The following TSPAN5 variants were observed in gnomAD, a reference collection of about 807,000 sequenced individuals.
The protein encoded by TSPAN5 is tetraspanin 5, also known as tetraspanin-5.
In TSPAN5, 10 loss-of-function variants were observed where a neutral mutation model predicts 37.1. That is an observed-to-expected ratio of 0.27 (90% CI 0.17 to 0.46). The LOEUF (loss-of-function observed/expected upper bound fraction) is 0.46, where lower values mean the gene tolerates loss of function less well. TSPAN5 is among the 20% of genes least tolerant of loss of function. TSPAN5 has a pLI of 1.00. For synonymous variants in TSPAN5, 110 were observed against 118.9 expected (o/e 0.93, Z 0.48); for missense variants, 195 against 326.6 (o/e 0.60, Z 3.11).
At chr4:98,532,479 T>G (rs868778123) in intron 1 of TSPAN5, among the ~76,000 whole-genome samples, 2 of 152,334 alleles carry the variant, frequency 1.3e-5, no homozygotes, top group Middle Eastern at 3.4e-3. Flanking sequence ...ACTCATGATT[T>G]GGCTCTCTGT....
intron 1 of TSPAN5, among the ~76,000 whole-genome samples, chr4:98,634,663 C>T (rs1216369577): frequency 2.0e-5 from 3 of 152,120 alleles, no homozygotes; most frequent in African/African-American, 7.2e-5. Context: ...AAGACATATT[C>T]CCAGCTCACT....
At chr4:98,528,192 C>T (rs1359112594) in intron 1 of TSPAN5, among the ~76,000 whole-genome samples, 5 of 152,122 alleles carry the variant, frequency 3.3e-5, no homozygotes, top group East Asian at 1.9e-4. Context: ...ACACTCTGAA[C>T]GATCTATTCA....
At position 98,471,883 on chromosome 4, in the gene TSPAN5, A is replaced by G. The variant is rs1460509325; in HGVS notation, c.*639T>C. ...CTTCCAATGCCCTTGCTCGGTGCAC[A>G]TGAAATACACAACTTCTCTTATAAG... is the stretch of plus-strand genomic sequence containing the variant. On this transcript the variant is annotated 3_prime_UTR_variant, in exon 8 of 8. Transcript: ENST00000305798. The G allele has an allele frequency of 6.6e-6, 1 of 152,248 alleles. No homozygotes were observed. Among genetic ancestry groups the G allele is most frequent in the Admixed American group, 6.5e-5 (1 of 15,290 alleles). The allele number at this position is 152,248 out of a possible 1,614,324, so 9.4% of individuals were successfully genotyped here.
At chr4:98,501,599 CAT>C (rs1160370950) in intron 2 of TSPAN5, among the ~76,000 whole-genome samples, 2 of 152,150 alleles carry the variant, frequency 1.3e-5, no homozygotes, top group Non-Finnish European at 2.9e-5. Flanking sequence ...AGATAGCACT[CAT>C]GTGGTTTTCT....
chr4:98,602,511 C>G (rs1322851669), intron 1 of TSPAN5, among the ~76,000 whole-genome samples: 1 of 152,188 alleles, frequency 6.6e-6, no homozygotes, highest in Admixed American at 6.5e-5. Context: ...CAAAGCCTCA[C>G]TTACCTCTCT....
At chr4:98,642,227 G>C (rs537347732) in intron 1 of TSPAN5, among the ~76,000 whole-genome samples, 22 of 152,292 alleles carry the variant, frequency 1.4e-4, no homozygotes, top group Non-Finnish European at 3.2e-4. Context: ...AAAAAGCTCT[G>C]TCTTCTCAAT....
intron 1 of TSPAN5, among the ~76,000 whole-genome samples, chr4:98,626,309 A>C (rs1756599617): frequency 6.6e-6 from 1 of 152,222 alleles, no homozygotes; most frequent in Admixed American, 6.5e-5. Flanking sequence ...CAAAGGGCTT[A>C]TCATAACCTC....
intron 1 of TSPAN5, among the ~76,000 whole-genome samples, chr4:98,625,117 C>T (rs1358668300): frequency 1.3e-5 from 2 of 152,130 alleles, no homozygotes; most frequent in Admixed American, 6.5e-5. Context: ...ATACACCAGA[C>T]AATTCTGTAA....
At chr4:98,518,961 A>G (rs1753797554) in intron 1 of TSPAN5, among the ~76,000 whole-genome samples, 1 of 152,254 alleles carries the variant, frequency 6.6e-6, no homozygotes. Context: ...AAGGATTTTA[A>G]GCAAAACAAG....
intron 1 of TSPAN5, among the ~76,000 whole-genome samples, chr4:98,584,744 A>G (rs573092056): frequency 6.6e-6 from 1 of 152,348 alleles, no homozygotes; most frequent in Admixed American, 6.5e-5. Context: ...TTATCTCTTC[A>G]TGCAATAGGC....
At chr4:98,558,458 T>C (rs960969828) in intron 1 of TSPAN5, among the ~76,000 whole-genome samples, 2 of 152,186 alleles carry the variant, frequency 1.3e-5, no homozygotes, top group African/African-American at 4.8e-5. Context: ...GTTTTTAAAG[T>C]TGCAGCGAAG....
At chr4:98,552,082 G>T (rs1053694122) in intron 1 of TSPAN5, among the ~76,000 whole-genome samples, 1 of 151,780 alleles carries the variant, frequency 6.6e-6, no homozygotes, top group Non-Finnish European at 1.5e-5. Context: ...TGTTTATTTT[G>T]ATCTTCTCTC....
At chr4:98,588,341 C>T (rs1755545023) in intron 1 of TSPAN5, among the ~76,000 whole-genome samples, 1 of 151,456 alleles carries the variant, frequency 6.6e-6, no homozygotes, top group Non-Finnish European at 1.5e-5. Context: ...CTGTTTCCAC[C>T]GTATGTTTCG....
At chr4:98,646,545 A>G (rs1422732034) in intron 1 of TSPAN5, among the ~76,000 whole-genome samples, 1 of 152,196 alleles carries the variant, frequency 6.6e-6, no homozygotes, top group Non-Finnish European at 1.5e-5. Context: ...AGACACTTTG[A>G]TTTTGCAAAG....
chr4:98,543,157 GTCATTTTACACACACCCTCA>G (rs370957328), intron 1 of TSPAN5, among the ~76,000 whole-genome samples: 3,522 of 152,246 alleles, frequency 0.023, 57 homozygotes, highest in Non-Finnish European at 0.037. Flanking sequence ...TAAAGTATGT[GTCATTTTACACACACCCTCA>G]TCATTTTCAT....
chr4:98,651,912 A>G (rs1579057091), intron 1 of TSPAN5, among the ~76,000 whole-genome samples: 1 of 124,570 alleles, frequency 8.0e-6, no homozygotes, highest in Non-Finnish European at 1.6e-5. Flanking sequence ...TTGTTCTGTC[A>G]CCCTGGAGTG....
chr4:98,511,234 T>G (rs1056157243), intron 1 of TSPAN5, among the ~76,000 whole-genome samples: 1 of 152,240 alleles, frequency 6.6e-6, no homozygotes, highest in African/African-American at 2.4e-5. Flanking sequence ...ACAATAATTT[T>G]GCCGGCATTT....
In TSPAN5 at chr4:98,472,002, C is replaced by T. The variant is rs935342580; in HGVS notation, c.*520G>A. On this transcript the variant is annotated 3_prime_UTR_variant, in exon 8 of 8. Coordinates refer to ENST00000305798, the MANE Select transcript of TSPAN5 (RefSeq NM_005723.4). ...CCCAAAGATGAGTTGTTTTCTTCTT[C>T]AGATGAGAGTTGCAAGTGTTTCCTA... is the stretch of plus-strand genomic sequence containing the variant. 4 of 152,280 alleles carry T rather than the reference C, an allele frequency of 2.6e-5. 1 individual carries two copies. The highest frequency in any genetic ancestry group is 2.0e-4 in the Admixed American group (3 of 15,280). The allele number at this position is 152,280 out of a possible 1,614,324, so 9.4% of individuals were successfully genotyped here.
At chr4:98,516,612 C>T (rs961867809) in intron 1 of TSPAN5, among the ~76,000 whole-genome samples, 2 of 152,140 alleles carry the variant, frequency 1.3e-5, no homozygotes, top group Admixed American at 1.3e-4. Flanking sequence ...TCTGCCCTCA[C>T]CAAAATGAAT....
Sources: allele counts gnomAD v4.1 joint callset (sites outside exome capture counted in the v4.1 genomes callset), GRCh38; gene constraint gnomAD v4.1.1; transcripts MANE v1.5; gene names NCBI Gene and HGNC (gene_info 2026-07-23, HGNC 2026-07-21).